Variants in GALNTL6 observed in about 807,000 individuals in gnomAD.
The protein encoded by GALNTL6 is polypeptide N-acetylgalactosaminyltransferase like 6.
A neutral mutation model predicts 73.7 loss-of-function variants in GALNTL6; 46 were observed. The observed-to-expected ratio is 0.62, with a 90% CI of 0.49 to 0.80. The LOEUF (loss-of-function observed/expected upper bound fraction) is 0.80, where lower values mean the gene tolerates loss of function less well. GALNTL6 is among the 30% of genes least tolerant of loss of function. The pLI, the probability that GALNTL6 is intolerant of heterozygous loss-of-function variation, is 0.00. For synonymous variants in GALNTL6, 259 were observed against 263.7 expected (o/e 0.98, Z 0.17); for missense variants, 604 against 755.0 (o/e 0.80, Z 2.34).
intron 8 of GALNTL6, among the ~76,000 whole-genome samples, chr4:172,908,497 T>A (rs540449312): frequency 6.6e-6 from 1 of 151,830 alleles, no homozygotes; most frequent in African/African-American, 2.4e-5. Flanking sequence ...AGGGGGGAAA[T>A]TTTCTATTAG....
At chr4:172,294,732 A>G (rs1277552461) in intron 3 of GALNTL6, among the ~76,000 whole-genome samples, 2 of 152,210 alleles carry the variant, frequency 1.3e-5, no homozygotes, top group African/African-American at 2.4e-5. Context: ...ATGAAACTAA[A>G]TAAGATTCAA....
At position 172,127,978 on chromosome 4, in the gene GALNTL6, G is replaced by A. The variant is rs191017639; in HGVS notation, c.139-101678G>A. 2.0e-3 allele frequency among the ~76,000 whole-genome samples: 309 copies of A among 152,056 alleles called. 1 individual carries two copies. Among genetic ancestry groups the A allele is most frequent in the African/African-American group, 6.7e-3 (280 of 41,482 alleles). On this transcript the variant is annotated intron_variant, in intron 2 of 12. Transcript: ENST00000506823. ...AAACTAGCTGGTCATGGTGGTGGGC[G>A]CCTGTAATCCCAGCTACTCTGGAGA... is the stretch of plus-strand genomic sequence containing the variant.
intron 2 of GALNTL6, among the ~76,000 whole-genome samples, chr4:171,938,059 G>T (rs191125605): frequency 3.3e-5 from 5 of 151,976 alleles, no homozygotes; most frequent in Non-Finnish European, 5.9e-5. Flanking sequence ...TTACCTGTAG[G>T]CTTCAAAACA....
At chr4:172,784,761 T>A (rs1705833599) in intron 5 of GALNTL6, among the ~76,000 whole-genome samples, 1 of 152,190 alleles carries the variant, frequency 6.6e-6, no homozygotes, top group Non-Finnish European at 1.5e-5. Context: ...ATGTACTGAT[T>A]CACAATTTAG....
chr4:172,884,165 T>C (rs1458339777), intron 8 of GALNTL6, among the ~76,000 whole-genome samples: 1 of 152,186 alleles, frequency 6.6e-6, no homozygotes, highest in Non-Finnish European at 1.5e-5. Context: ...TATATGGTAG[T>C]TCTATTTTAG....
chr4:172,093,323 A>T (rs1732258574), intron 2 of GALNTL6, among the ~76,000 whole-genome samples: 1 of 152,086 alleles, frequency 6.6e-6, no homozygotes, highest in Non-Finnish European at 1.5e-5. Context: ...AATTTTATCT[A>T]TACCATTGTA....
intron 8 of GALNTL6, among the ~76,000 whole-genome samples, chr4:172,897,983 C>T (rs1746417775): frequency 6.6e-6 from 1 of 152,124 alleles, no homozygotes. Flanking sequence ...TCTACTGTTC[C>T]ACTAACAAGT....
At chr4:172,380,369 G>T in intron 5 of GALNTL6, 1 of 685,916 alleles carries the variant, frequency 1.5e-6, no homozygotes, top group South Asian at 1.4e-5. Context: ...CCAGGGACTG[G>T]CAATGACCAC....
intron 5 of GALNTL6, among the ~76,000 whole-genome samples, chr4:172,802,589 A>C (rs1397677313): frequency 6.6e-6 from 1 of 152,138 alleles, no homozygotes; most frequent in African/African-American, 2.4e-5. Context: ...TGAGGTCAGG[A>C]GTTTGAGACC....
intron 5 of GALNTL6, among the ~76,000 whole-genome samples, chr4:172,645,493 G>A (rs886918588): frequency 1.4e-4 from 22 of 151,860 alleles, no homozygotes; most frequent in Non-Finnish European, 4.4e-5. Flanking sequence ...TTTAGAAAAT[G>A]AGTGTGTATG....
At chr4:172,356,835 A>G (rs1742179481) in intron 5 of GALNTL6, among the ~76,000 whole-genome samples, 2 of 152,188 alleles carry the variant, frequency 1.3e-5, no homozygotes, top group Admixed American at 1.3e-4. Flanking sequence ...TAAAATGTAC[A>G]GTTTTCACAG....
chr4:172,441,878 G>C (rs192696746), intron 5 of GALNTL6, among the ~76,000 whole-genome samples: 1 of 137,570 alleles, frequency 7.3e-6, no homozygotes, highest in African/African-American at 2.7e-5. Flanking sequence ...GGCTCAATTT[G>C]TAGTTTCATG....
chr4:171,982,523 C>T (rs1017407945), intron 2 of GALNTL6, among the ~76,000 whole-genome samples: 1 of 152,062 alleles, frequency 6.6e-6, no homozygotes, highest in Non-Finnish European at 1.5e-5. Context: ...TGGTCTTGAT[C>T]TCCTGACCTC....
intron 3 of GALNTL6, among the ~76,000 whole-genome samples, chr4:172,311,184 T>A (rs536079007): frequency 2.6e-5 from 4 of 152,274 alleles, no homozygotes; most frequent in African/African-American, 9.6e-5. Flanking sequence ...GCAAAGATGT[T>A]CATTGTAATG....
intron 3 of GALNTL6, among the ~76,000 whole-genome samples, chr4:172,248,298 T>C (rs1181612273): frequency 1.3e-5 from 2 of 152,206 alleles, no homozygotes; most frequent in Non-Finnish European, 2.9e-5. Flanking sequence ...AGTAACCTCA[T>C]AGCAGCTTTG....
chr4:172,520,268 T>G (rs1487223605), intron 5 of GALNTL6, among the ~76,000 whole-genome samples: 1 of 151,966 alleles, frequency 6.6e-6, no homozygotes, highest in Non-Finnish European at 1.5e-5. Flanking sequence ...TATAGGGCTC[T>G]GCTGCATTCT....
intron 2 of GALNTL6, among the ~76,000 whole-genome samples, chr4:171,822,028 C>A (rs1734699646): frequency 6.6e-6 from 1 of 152,004 alleles, no homozygotes; most frequent in African/African-American, 2.4e-5. Context: ...GGCAATATTT[C>A]TTTGTAGTGA....
At chr4:172,689,515 T>C (rs999894963) in intron 5 of GALNTL6, among the ~76,000 whole-genome samples, 7 of 152,208 alleles carry the variant, frequency 4.6e-5, no homozygotes, top group Non-Finnish European at 1.0e-4. Flanking sequence ...TTGCATTCTT[T>C]TTTTGACACT....
At chr4:172,895,127 T>C (rs935704201) in intron 8 of GALNTL6, among the ~76,000 whole-genome samples, 5 of 151,642 alleles carry the variant, frequency 3.3e-5, no homozygotes, top group African/African-American at 9.7e-5. Flanking sequence ...TAGTTAGGTC[T>C]TGTTTGTTTA....
Sources: gnomAD v4.1 joint callset for allele counts (sites outside exome capture counted in the v4.1 genomes callset) on GRCh38, gnomAD v4.1.1 for gene constraint, MANE v1.5 for transcripts, NCBI Gene and HGNC (gene_info 2026-07-23, HGNC 2026-07-21) for gene names.